Variants in TECPR2 observed in about 807,000 individuals in gnomAD.
TECPR2 encodes the protein tectonin beta-propeller repeat-containing protein 2.
A neutral mutation model predicts 138.1 loss-of-function variants in TECPR2; 65 were observed. The ratio of observed to expected loss-of-function variants is 0.47; its 90% CI spans 0.39 to 0.58. The LOEUF (loss-of-function observed/expected upper bound fraction) is 0.58. Ranked by LOEUF, TECPR2 falls within the 20% of genes least tolerant of loss-of-function variation. TECPR2 has a pLI of 0.00. For synonymous variants in TECPR2, 746 were observed against 749.8 expected (o/e 0.99, Z 0.08); for missense variants, 1,553 against 1,824.5 (o/e 0.85, Z 2.71).
chr14:102,435,286 T>G lies in TECPR2; in HGVS notation c.2394+75T>G, dbSNP rs1014016954. On this transcript the variant is annotated intron_variant, in intron 9 of 19. Coordinates refer to ENST00000359520, the MANE Select transcript of TECPR2 (RefSeq NM_014844.5). ...GGTAATAATTGTCAAGACTGATTAT[T>G]TTCCTTCTCATGGAAAGAAATTCTA... 6 of 1,496,092 alleles carry G rather than the reference T, an allele frequency of 4.0e-6. No homozygotes were observed. In the African/African-American group the frequency reaches 5.6e-5, roughly 14 times the overall value. 92.7% of individuals were successfully genotyped at this position (1,496,092 alleles called of 1,614,324 possible).
rs1238199564 is a variant in TECPR2, at chr14:102,502,176, C to G, written c.*3919C>G. The G allele has an allele frequency of 6.6e-6, 1 of 152,274 alleles. No homozygotes were observed. Among genetic ancestry groups the G allele is most frequent in the South Asian group, 2.1e-4 (1 of 4,832 alleles). The allele number at this position is 152,274 out of a possible 1,614,324, so 9.4% of individuals were successfully genotyped here. ...ACCTCACCGCGCCAGCGTGAAGTTC[C>G]CGGGCATGGTCATGAAAGCGTGGTT... On this transcript the variant is annotated 3_prime_UTR_variant, in exon 20 of 20. Coordinates refer to ENST00000359520, the MANE Select transcript of TECPR2 (RefSeq NM_014844.5).
At chr14:102,450,289 G>T (rs1890105940) in intron 14 of TECPR2, among the ~76,000 whole-genome samples, 1 of 152,146 alleles carries the variant, frequency 6.6e-6, no homozygotes, top group African/African-American at 2.4e-5. Flanking sequence ...CACATCCTGG[G>T]GTTTGTTTCT....
intron 17 of TECPR2, among the ~76,000 whole-genome samples, chr14:102,481,577 C>T (rs1016379959): frequency 6.6e-6 from 1 of 152,200 alleles, no homozygotes; most frequent in African/African-American, 2.4e-5. Context: ...GCACTCCAGC[C>T]TGGGCAACAG....
intron 17 of TECPR2, among the ~76,000 whole-genome samples, chr14:102,469,712 C>A (rs1431611801): frequency 6.6e-6 from 1 of 152,096 alleles, no homozygotes; most frequent in Non-Finnish European, 1.5e-5. Context: ...TTTTCTTAGG[C>A]TCCCTTTATT....
At chr14:102,385,921 G>GT (rs1887985939) in intron 2 of TECPR2, among the ~76,000 whole-genome samples, 1 of 151,096 alleles carries the variant, frequency 6.6e-6, no homozygotes, top group Non-Finnish European at 1.5e-5. Context: ...GGGCATCAAA[G>GT]TGAGACCCTG....
chr14:102,406,125 T>G (rs1050146853), intron 2 of TECPR2, among the ~76,000 whole-genome samples: 1 of 152,130 alleles, frequency 6.6e-6, no homozygotes, highest in Non-Finnish European at 1.5e-5. Flanking sequence ...TTTTACAAGA[T>G]TAAATATTCG....
chr14:102,380,294 G>GT (rs1887766815), intron 2 of TECPR2, among the ~76,000 whole-genome samples: 2 of 152,172 alleles, frequency 1.3e-5, no homozygotes, highest in Non-Finnish European at 2.9e-5. Context: ...GAACAATGAC[G>GT]TATTACCTGT....
chr14:102,440,385 A>C (rs1567342918), intron 10 of TECPR2, 51 bp from the exon 11 acceptor site: 2 of 1,594,770 alleles, frequency 1.3e-6, no homozygotes, highest in Non-Finnish European at 1.7e-6. Flanking sequence ...TTTTGTATAG[A>C]AATATATTCT....
At chr14:102,434,034 A>C (rs1008810643) in intron 8 of TECPR2, among the ~76,000 whole-genome samples, 1 of 151,916 alleles carries the variant, frequency 6.6e-6, no homozygotes, top group Non-Finnish European at 1.5e-5. Flanking sequence ...CTGCCCTCAA[A>C]CCCATGGATT....
chr14:102,427,196 C>G (rs1889346640), intron 6 of TECPR2, among the ~76,000 whole-genome samples: 1 of 152,148 alleles, frequency 6.6e-6, no homozygotes, highest in Admixed American at 6.6e-5. Context: ...GCACCCTTTC[C>G]TCAGTTACAG....
intron 17 of TECPR2, among the ~76,000 whole-genome samples, chr14:102,476,977 A>C (rs560327479): frequency 1.3e-5 from 2 of 152,226 alleles, no homozygotes; most frequent in Non-Finnish European, 2.9e-5. Flanking sequence ...CAGGAGGCAG[A>C]GGCTGCAGTG....
intron 2 of TECPR2, among the ~76,000 whole-genome samples, chr14:102,386,952 A>G (rs114480763): frequency 2.4e-3 from 361 of 152,260 alleles, no homozygotes; most frequent in African/African-American, 7.3e-3. Context: ...CATTGTGCTT[A>G]CTTCTTGTGA....
intron 17 of TECPR2, among the ~76,000 whole-genome samples, chr14:102,478,790 T>G (rs927202808): frequency 6.6e-6 from 1 of 151,826 alleles, no homozygotes; most frequent in Non-Finnish European, 1.5e-5. Context: ...CCGAGGCAGG[T>G]GGATCACCTG....
intron 17 of TECPR2, among the ~76,000 whole-genome samples, chr14:102,489,156 A>C (rs1891103337): frequency 6.6e-6 from 1 of 151,896 alleles, no homozygotes; most frequent in Non-Finnish European, 1.5e-5. Flanking sequence ...TGCTGGGATT[A>C]CAGGCATGAG....
intron 2 of TECPR2, among the ~76,000 whole-genome samples, chr14:102,407,014 C>A (rs1319823878): frequency 6.6e-6 from 1 of 152,186 alleles, no homozygotes; most frequent in Non-Finnish European, 1.5e-5. Context: ...CATCTGCCAC[C>A]ACGCCCAGCT....
chr14:102,450,175 C>G (rs1250395427), intron 14 of TECPR2, among the ~76,000 whole-genome samples: 1 of 152,112 alleles, frequency 6.6e-6, no homozygotes. Context: ...AAAAATCCAC[C>G]CAAACCTAGT....
chr14:102,449,661 G>A lies in TECPR2; in HGVS notation c.3108G>A (p.Gln1036=), dbSNP rs140351132. The A allele has an allele frequency of 1.4e-4, 221 of 1,614,210 alleles. No individual in the cohort carries two copies. In the East Asian group the frequency reaches 4.3e-3, roughly 31 times the overall value. The change falls in exon 14 of 20, where the codon CAG becomes CAA. Residue 1036 remains glutamine, a synonymous_variant. Coordinates refer to ENST00000359520, the MANE Select transcript of TECPR2 (RefSeq NM_014844.5). ...TCACGGACTATGTGGTGTTTGACCA[G>A]TGCAGCTTATTTCAGACGATAATCC... ...VSITDYVVFD[Q]CSLFQTIIHA... is the part of the protein sequence containing the mutation.
chr14:102,421,239 C>G (rs1025981753), intron 5 of TECPR2, among the ~76,000 whole-genome samples: 2 of 152,136 alleles, frequency 1.3e-5, no homozygotes, highest in Non-Finnish European at 1.5e-5. Flanking sequence ...TATGGGCTCC[C>G]TTGCTGGAAT....
chr14:102,388,820 G>T (rs1888090156), intron 2 of TECPR2, among the ~76,000 whole-genome samples: 1 of 152,104 alleles, frequency 6.6e-6, no homozygotes. Flanking sequence ...AATTAGCCGG[G>T]TGAGATGGCA....
Sources: allele counts gnomAD v4.1 joint callset (sites outside exome capture counted in the v4.1 genomes callset), GRCh38; gene constraint gnomAD v4.1.1; transcripts MANE v1.5; gene names NCBI Gene and HGNC (gene_info 2026-07-23, HGNC 2026-07-21).